APBA2: variants seen among roughly 807,000 people sequenced by gnomAD.
APBA2 encodes amyloid-beta A4 precursor protein-binding family A member 2.
APBA2 carries 30 observed loss-of-function variants against 75.0 expected under a neutral mutation model. That is an observed-to-expected ratio of 0.40 (90% CI 0.30 to 0.54). The LOEUF is 0.54. APBA2 is among the 20% of genes least tolerant of loss of function. The pLI, the probability that APBA2 is intolerant of heterozygous loss-of-function variation, is 0.49. For synonymous variants in APBA2, 444 were observed against 409.6 expected, an observed-to-expected ratio of 1.08 and a Z score of -1.01; for missense variants, 801 against 1,016.1, an observed-to-expected ratio of 0.79 and a Z score of 2.88.
At chr15:29,085,158 G>T (rs935610117) in intron 6 of APBA2, among the ~76,000 whole-genome samples, 1 of 152,046 alleles carries the variant, frequency 6.6e-6, no homozygotes, top group African/African-American at 2.4e-5. Flanking sequence ...CAAGTATTTG[G>T]TTACCCTGAA....
chr15:28,999,533 A>G (rs181847854), intron 3 of APBA2, among the ~76,000 whole-genome samples: 1 of 152,308 alleles, frequency 6.6e-6, no homozygotes, highest in Admixed American at 6.5e-5. Context: ...AGAAAGTCTG[A>G]TAATCGAAGG....
At chr15:28,965,107 A>C (rs917756665) in intron 2 of APBA2, among the ~76,000 whole-genome samples, 1 of 151,490 alleles carries the variant, frequency 6.6e-6, no homozygotes, top group Non-Finnish European at 1.5e-5. Context: ...ATAGTTTTAT[A>C]TTTAAGTCCT....
chr15:28,961,846 A>G (rs1181587206), intron 2 of APBA2, among the ~76,000 whole-genome samples: 4 of 152,128 alleles, frequency 2.6e-5, no homozygotes, highest in African/African-American at 9.7e-5. Context: ...TAGTATTTTT[A>G]AGCATATTTT....
chr15:28,998,278 T>G (rs1458534607), intron 3 of APBA2, among the ~76,000 whole-genome samples: 1 of 151,440 alleles, frequency 6.6e-6, no homozygotes, highest in Admixed American at 6.6e-5. Context: ...CCTCGATCTA[T>G]AAAATGTGTG....
Position 28,942,581 on chromosome 15 carries a change from T to A in APBA2, c.-95+20832T>A, listed in dbSNP as rs974767893. Among the ~76,000 whole-genome samples, 3 of 152,096 alleles carry A rather than the reference T, an allele frequency of 2.0e-5. No homozygotes were observed. In the East Asian group the frequency reaches 5.8e-4, roughly 29 times the overall value. Reference sequence around the variant, plus strand: ...TTTCCAGCCTGAGCCCACCCTGAGGTCGGTTGTTGGACCCACCTGCCTGAT... The same window carrying A: ...TTTCCAGCCTGAGCCCACCCTGAGGACGGTTGTTGGACCCACCTGCCTGAT... On this transcript the variant is annotated intron_variant, in intron 2 of 14. Coordinates refer to ENST00000683413, the MANE Select transcript of APBA2 (RefSeq NM_001353788.2).
intron 2 of APBA2, among the ~76,000 whole-genome samples, chr15:28,927,193 A>C (rs1305751662): frequency 6.6e-6 from 1 of 151,934 alleles, no homozygotes; most frequent in East Asian, 1.9e-4. Flanking sequence ...GTTTCTGATG[A>C]GAAGTGGGCT....
chr15:28,894,267 C>G (rs942481493), intron 1 of APBA2, among the ~76,000 whole-genome samples: 4 of 152,200 alleles, frequency 2.6e-5, no homozygotes, highest in Non-Finnish European at 5.9e-5. Flanking sequence ...ATCCACCCAT[C>G]TACTCAGTAG....
chr15:28,970,043 G>A (rs1280324027), intron 2 of APBA2, among the ~76,000 whole-genome samples: 1 of 152,088 alleles, frequency 6.6e-6, no homozygotes, highest in Admixed American at 6.6e-5. Context: ...TTGGCCTCTT[G>A]TCTGTTCTTG....
chr15:29,060,160 G>C (rs765967797), intron 4 of APBA2, among the ~76,000 whole-genome samples: 21 of 152,226 alleles, frequency 1.4e-4, no homozygotes, highest in Non-Finnish European at 1.9e-4. Context: ...GGCTTCTGCA[G>C]ATTTAACCTT....
Position 28,902,383 on chromosome 15 carries a change from CA to C in APBA2, c.-205+16109del, listed in dbSNP as rs929022181. 1.3e-4 allele frequency among the ~76,000 whole-genome samples: 20 copies of C among 152,276 alleles called. 1 individual carries two copies. The highest frequency in any genetic ancestry group is 3.4e-3 in the Middle Eastern group (1 of 294). On this transcript the variant is annotated intron_variant, in intron 1 of 14. Coordinates refer to ENST00000683413, the MANE Select transcript of APBA2 (RefSeq NM_001353788.2). The stretch of plus-strand genomic sequence containing the variant: ...TACAAAATACCTTGCCAATGCTCTT[CA>C]AAATATCAAGTCCATCAAAACTAAG...
chr15:28,996,831 C>G (rs946557480), intron 3 of APBA2, among the ~76,000 whole-genome samples: 1 of 152,088 alleles, frequency 6.6e-6, no homozygotes. Context: ...TTGGGAACAC[C>G]CCCCCTGCCT....
intron 2 of APBA2, among the ~76,000 whole-genome samples, chr15:28,978,089 C>T (rs755808200): frequency 3.9e-5 from 6 of 152,194 alleles, no homozygotes; most frequent in African/African-American, 1.4e-4. Flanking sequence ...ACTGGTGTAC[C>T]GTGGCTCGGA....
At position 28,989,651 on chromosome 15, in the gene APBA2, A is replaced by T. The variant is rs1241881192; in HGVS notation, c.-94-6102A>T. Among the ~76,000 whole-genome samples, 4 of 152,194 alleles carry T rather than the reference A, an allele frequency of 2.6e-5. No individual in the cohort carries two copies. In the East Asian group the frequency reaches 5.8e-4, roughly 22 times the overall value. ...GCTCCAGGGGGTGCCTGGGAATTGG[A>T]AGGCATCAGGCTCCTCACAGCAAAA... is the stretch of plus-strand genomic sequence containing the variant. On this transcript the variant is annotated intron_variant, in intron 2 of 14. Coordinates refer to ENST00000683413, the MANE Select transcript of APBA2 (RefSeq NM_001353788.2).
chr15:28,943,992 C>T (rs998813677), intron 2 of APBA2, among the ~76,000 whole-genome samples: 19 of 152,276 alleles, frequency 1.2e-4, no homozygotes, highest in African/African-American at 2.4e-4. Flanking sequence ...GTCTGCTGGA[C>T]GTTTGAACAG....
chr15:28,950,268 C>G (rs1044594252), intron 2 of APBA2, among the ~76,000 whole-genome samples: 1 of 152,178 alleles, frequency 6.6e-6, no homozygotes, highest in South Asian at 2.1e-4. Flanking sequence ...CAATATGACT[C>G]ATAACTATCG....
intron 8 of APBA2, among the ~76,000 whole-genome samples, chr15:29,096,428 T>G (rs1304545079): frequency 6.6e-6 from 1 of 152,228 alleles, no homozygotes; most frequent in Non-Finnish European, 1.5e-5. Flanking sequence ...CCTGCAACTT[T>G]TCTCACTTCT....
chr15:28,936,352 G>A (rs1275193027), intron 2 of APBA2, among the ~76,000 whole-genome samples: 2 of 152,168 alleles, frequency 1.3e-5, no homozygotes, highest in African/African-American at 4.8e-5. Context: ...CCTCCTACTA[G>A]GCTACAAAGT....
At chr15:28,939,774 G>T (rs1448351615) in intron 2 of APBA2, among the ~76,000 whole-genome samples, 7 of 152,196 alleles carry the variant, frequency 4.6e-5, no homozygotes, top group Non-Finnish European at 8.8e-5. Flanking sequence ...CAGTGCCCCT[G>T]TGGGTGCAGC....
intron 14 of APBA2, among the ~76,000 whole-genome samples, chr15:29,114,280 C>A (rs948842521): frequency 3.3e-5 from 5 of 152,208 alleles, no homozygotes; most frequent in African/African-American, 1.2e-4. Flanking sequence ...ACCTGTATGT[C>A]CAGTTCAGAA....
Sources: gnomAD v4.1 joint callset for allele counts (sites outside exome capture counted in the v4.1 genomes callset) on GRCh38, gnomAD v4.1.1 for gene constraint, MANE v1.5 for transcripts, NCBI Gene and HGNC (gene_info 2026-07-23, HGNC 2026-07-21) for gene names.